The following POF1B variants were observed in gnomAD, a reference collection of about 807,000 sequenced individuals.
POF1B encodes the protein POF1B actin binding protein.
POF1B carries 53 observed loss-of-function variants against 55.3 expected under a neutral mutation model. That is an observed-to-expected ratio of 0.96 (90% CI 0.77 to 1.20). The LOEUF is 1.20. POF1B is among the 50% of genes most tolerant of loss of function. POF1B has a pLI of 0.00. For missense variants in POF1B, 478 were observed against 420.5 expected (o/e 1.14, Z -1.20); for synonymous variants, 188 against 148.3 (o/e 1.27, Z -1.95).
chrX:85,295,015 G>T (rs1011939542), intron 15 of POF1B, among the ~76,000 whole-genome samples: 6 of 111,753 alleles, frequency 5.4e-5, no homozygotes, highest in Admixed American at 9.5e-5. Flanking sequence ...TGTTATAGAG[G>T]TTTTCATAAT....
chrX:85,337,335 T>C (rs1358499810), intron 6 of POF1B, among the ~76,000 whole-genome samples: 1 of 111,873 alleles, frequency 8.9e-6, no homozygotes, highest in Non-Finnish European at 1.9e-5. Context: ...ACACAGCCTC[T>C]GTCAGGTTAT....
intron 9 of POF1B, 114 bp downstream of exon 9, chrX:85,314,318 A>G (rs1603039297): frequency 3.6e-6 from 2 of 562,162 alleles, no homozygotes; most frequent in East Asian, 8.3e-5. Flanking sequence ...AGAATCCTCA[A>G]CTCTTAGGAA....
intron 6 of POF1B, among the ~76,000 whole-genome samples, chrX:85,332,515 C>T (rs1435776946): frequency 9.0e-6 from 1 of 111,158 alleles, no homozygotes; most frequent in Non-Finnish European, 1.9e-5. Context: ...TTCAACATTG[C>T]ATGTAAAACC....
chrX:85,313,767 T>C (rs778701453), intron 9 of POF1B, among the ~76,000 whole-genome samples: 1 of 111,403 alleles, frequency 9.0e-6, no homozygotes, highest in Non-Finnish European at 1.9e-5. Context: ...CTCCTCTTTG[T>C]ACCCCTGGTA....
chrX:85,314,434 G>T lies in POF1B; in HGVS notation c.955C>A (p.Gln319Lys). Residue 319 changes from glutamine (Q) to lysine (K), a missense_variant and splice_region_variant, in exon 9 of 17, where the codon CAG (glutamine) becomes AAG (lysine). Transcript: ENST00000262753. ...FTKQQIRYIL[Q>K]MRGMSDKSLR... is the part of the protein sequence containing the mutation. ...ATCCACTCTTGACCCCAACTCACCTGCAGAATGTAGCGTATTTGCTGTTTT... is the reference window on the plus strand; with the variant it reads ...ATCCACTCTTGACCCCAACTCACCTTCAGAATGTAGCGTATTTGCTGTTTT... 1 of 1,192,818 alleles carries T rather than the reference G, an allele frequency of 8.4e-7. No homozygotes were observed. The highest frequency in any genetic ancestry group is 1.1e-6 in the Non-Finnish European group (1 of 885,306).
rs1162022264 is a variant in POF1B, at chrX:85,359,544, T to C, written c.438+6A>G. 1 of 1,169,808 alleles carries C rather than the reference T, an allele frequency of 8.5e-7. No homozygotes were observed. The highest frequency in any genetic ancestry group is 1.8e-5 in the African/African-American group (1 of 56,115). On this transcript the variant is annotated splice_donor_region_variant and intron_variant, in intron 4 of 16. Coordinates refer to ENST00000262753, the MANE Select transcript of POF1B (RefSeq NM_024921.4). ...AATTATATGTTGGTAAAAGTTGGTG[T>C]CTTACCTGTTCAGGATTTTGTACTA...
At chrX:85,328,165 CTTTTTTAT>C (rs1464419389) in intron 7 of POF1B, among the ~76,000 whole-genome samples, 20 of 101,751 alleles carry the variant, frequency 2.0e-4, no homozygotes, top group East Asian at 1.0e-3. Flanking sequence ...TATACAATAT[CTTTTTTAT>C]TTATTTATTT....
chrX:85,291,694 G>A (rs1436690606), intron 15 of POF1B, among the ~76,000 whole-genome samples: 1 of 110,220 alleles, frequency 9.1e-6, no homozygotes, highest in African/African-American at 3.3e-5. Flanking sequence ...TTGTGAATAG[G>A]AGGTCATTTC....
Position 85,306,262 on chromosome X carries a change from T to C in POF1B, c.1236A>G (p.Leu412=), listed in dbSNP as rs1932572043. ...CTTTTAGTCTGTATTCCATGTCTGA[T>C]AGTGTATGTCGAAGAGAGAGATTGT... The part of the protein sequence containing the change: ...EENNLSLRHT[L]SDMEYRLKEL... The change falls in exon 12 of 17, where the codon CTA becomes CTG. Residue 412 remains leucine (L), a synonymous_variant. Transcript: ENST00000262753. 1.0e-5 allele frequency: 12 copies of C among 1,204,853 alleles called. No homozygotes were observed. Among genetic ancestry groups the C allele is most frequent in the Non-Finnish European group, 1.3e-5 (12 of 890,640 alleles).
chrX:85,341,067 G>T (rs190875043), intron 6 of POF1B, among the ~76,000 whole-genome samples: 16 of 110,668 alleles, frequency 1.4e-4, no homozygotes, highest in African/African-American at 4.6e-4. Flanking sequence ...ATGATGGAAG[G>T]GATGAAAACA....
intron 5 of POF1B, 133 bp from the exon 6 acceptor site, chrX:85,346,175 A>G: frequency 4.1e-6 from 2 of 483,272 alleles, no homozygotes; most frequent in East Asian, 8.9e-5. Flanking sequence ...TATAGATTTA[A>G]CTAGTGATAT....
rs1418196254 is a variant in POF1B at position 85,306,177 on chromosome X, A to G, written c.1317+4T>C. ...ACTGTATATTTAAAAGGAAGTTTTA[A>G]TACCTGCATTCTAAGGTTTTGATTC... On this transcript the variant is annotated splice_donor_region_variant and intron_variant, in intron 12 of 16. Transcript: ENST00000262753. 1 of 1,190,716 alleles carries G rather than the reference A, an allele frequency of 8.4e-7. No individual in the cohort carries two copies. The highest frequency in any genetic ancestry group is 1.8e-5 in the South Asian group (1 of 54,901).
chrX:85,328,660 T>C (rs1337318005), intron 7 of POF1B, among the ~76,000 whole-genome samples: 1 of 111,098 alleles, frequency 9.0e-6, no homozygotes, highest in Non-Finnish European at 1.9e-5. Context: ...CAGAATCCTC[T>C]GAAGAGCGTG....
chrX:85,370,377 G>A (rs1933798385), intron 2 of POF1B, among the ~76,000 whole-genome samples: 2 of 111,640 alleles, frequency 1.8e-5, no homozygotes, highest in Non-Finnish European at 3.8e-5. Flanking sequence ...TATTAAAATT[G>A]ATCATCTAGA....
chrX:85,315,086 C>T (rs1932774734), intron 8 of POF1B, among the ~76,000 whole-genome samples: 1 of 110,983 alleles, frequency 9.0e-6, no homozygotes, highest in Admixed American at 9.7e-5. Context: ...GGAATTACTG[C>T]ATAATTGTAA....
At chrX:85,371,322 A>G (rs1257448636) in intron 2 of POF1B, among the ~76,000 whole-genome samples, 1 of 112,026 alleles carries the variant, frequency 8.9e-6, no homozygotes, top group African/African-American at 3.3e-5. Context: ...TAAACTTGTC[A>G]GTATTGTTTT....
chrX:85,279,349 A>T lies in POF1B; in HGVS notation c.*72T>A. 1 of 1,026,306 alleles carries T rather than the reference A, an allele frequency of 9.7e-7. No individual in the cohort carries two copies. The highest frequency in any genetic ancestry group is 2.7e-5 in the Admixed American group (1 of 37,673). The allele number at this position is 1,026,306 out of a possible 1,213,427, so 84.6% of individuals were successfully genotyped here. On this transcript the variant is annotated 3_prime_UTR_variant, in exon 17 of 17. Coordinates refer to ENST00000262753, the MANE Select transcript of POF1B (RefSeq NM_024921.4). Reference sequence around the variant, plus strand: ...TGGCCTTTAGTGATGGAAAAATAACAAAGTACTAATGCAGAGACACACACA... The same window carrying T: ...TGGCCTTTAGTGATGGAAAAATAACTAAGTACTAATGCAGAGACACACACA...
At chrX:85,338,986 A>G (rs1933122821) in intron 6 of POF1B, among the ~76,000 whole-genome samples, 1 of 109,818 alleles carries the variant, frequency 9.1e-6, no homozygotes, top group South Asian at 3.8e-4. Context: ...TAGTAGCAAA[A>G]GTCAAGATTT....
chrX:85,279,344 A>G lies in POF1B; in HGVS notation c.*77T>C. On this transcript the variant is annotated 3_prime_UTR_variant, in exon 17 of 17. Coordinates refer to ENST00000262753, the MANE Select transcript of POF1B (RefSeq NM_024921.4). ...CTGATTGGCCTTTAGTGATGGAAAA[A>G]TAACAAAGTACTAATGCAGAGACAC... is the stretch of plus-strand genomic sequence containing the variant. 9.8e-7 allele frequency: 1 copy of G among 1,015,868 alleles called. No homozygotes were observed. Among genetic ancestry groups the G allele is most frequent in the East Asian group, 3.1e-5 (1 of 32,542 alleles). The allele number at this position is 1,015,868 out of a possible 1,213,427, so 83.7% of individuals were successfully genotyped here. A position where few individuals can be genotyped will look rare whatever the true frequency, so the allele number is the denominator to read the frequency against.
Sources: gnomAD v4.1 joint callset for allele counts (sites outside exome capture counted in the v4.1 genomes callset) on GRCh38, gnomAD v4.1.1 for gene constraint, MANE v1.5 for transcripts, NCBI Gene and HGNC (gene_info 2026-07-23, HGNC 2026-07-21) for gene names.